HK1: variants seen among roughly 807,000 people sequenced by gnomAD.
The protein encoded by HK1 is hexokinase 1, also known as hexokinase-1.
Under a neutral mutation model 91.6 loss-of-function variants are expected in HK1, and 28 were observed. That is an observed-to-expected ratio of 0.31 (90% CI 0.23 to 0.42). HK1 has a LOEUF of 0.42. Among genes scored for constraint, HK1 ranks in the 10% least tolerant of loss-of-function variants. HK1 has a pLI of 1.00. For missense variants in HK1, 770 were observed against 1,219.8 expected (o/e 0.63, Z 5.49); for synonymous variants, 430 against 468.1 (o/e 0.92, Z 1.05).
chr10:69,327,055 A>T (rs1465148941), intron 1 of HK1, among the ~76,000 whole-genome samples: 2 of 124,280 alleles, frequency 1.6e-5, no homozygotes, highest in Non-Finnish European at 3.1e-5. Context: ...CCCAGGCTGG[A>T]GTGCAGTGGC....
intron 1 of HK1, chr10:69,278,920 T>A (rs1844599202): frequency 6.6e-6 from 1 of 152,238 alleles, no homozygotes; most frequent in Admixed American, 6.5e-5. Flanking sequence ...AGCATGTGGT[T>A]ACATTTTTGT....
chr10:69,385,113 C>T (rs749108), intron 12 of HK1, among the ~76,000 whole-genome samples, 198 bp downstream of exon 12: 102,193 of 152,080 alleles, frequency 0.67, 34,567 homozygotes, highest in African/African-American at 0.69. Context: ...TCTTTGAAAG[C>T]GTCACCTTTT....
chr10:69,311,011 T>C (rs1430840758), upstream of HK1, among the ~76,000 whole-genome samples: 1 of 150,730 alleles, frequency 6.6e-6, no homozygotes, highest in Non-Finnish European at 1.5e-5. Flanking sequence ...GAGCCGAGAC[T>C]GCACCACTGC....
At chr10:69,276,112 AAAAAAAATAC>A (rs1271901416) in intron 1 of HK1, among the ~76,000 whole-genome samples, 20 of 42,632 alleles carry the variant, frequency 4.7e-4, no homozygotes, top group East Asian at 1.3e-3. Context: ...AAAAAAAAAA[AAAAAAAATAC>A]ATATATATAT....
chr10:69,335,834 G>A (rs767041388), intron 1 of HK1, among the ~76,000 whole-genome samples: 2 of 152,208 alleles, frequency 1.3e-5, no homozygotes, highest in Non-Finnish European at 2.9e-5. Flanking sequence ...ACATGGCCCC[G>A]ACTGTGCCCT....
intron 5 of HK1, among the ~76,000 whole-genome samples, chr10:69,306,171 A>G (rs1316350451): frequency 1.3e-5 from 2 of 151,832 alleles, no homozygotes; most frequent in African/African-American, 4.8e-5. Context: ...CCTGGCTAAC[A>G]GTGAAACACC....
intron 7 of HK1, among the ~76,000 whole-genome samples, chr10:69,374,989 G>A (rs1368406386): frequency 6.6e-6 from 1 of 152,236 alleles, no homozygotes; most frequent in African/African-American, 2.4e-5. Context: ...CCATGAGACA[G>A]GCAGGAATGC....
intron 7 of HK1, among the ~76,000 whole-genome samples, chr10:69,370,037 C>G (rs1267552727): frequency 6.6e-6 from 1 of 152,226 alleles, no homozygotes; most frequent in Non-Finnish European, 1.5e-5. Flanking sequence ...CTAGCGCGGC[C>G]TAAAGCCCAT....
At chr10:69,361,903 C>T (rs185178005) in intron 3 of HK1, among the ~76,000 whole-genome samples, 22 of 152,158 alleles carry the variant, frequency 1.4e-4, no homozygotes, top group African/African-American at 4.1e-4. Flanking sequence ...CCACAACCTC[C>T]GCCTCCCGGG....
chr10:69,372,342 G>C (rs1055482664), intron 7 of HK1, among the ~76,000 whole-genome samples: 2 of 152,212 alleles, frequency 1.3e-5, no homozygotes, highest in Non-Finnish European at 2.9e-5. Context: ...AAATTCCCAA[G>C]TTGCATCACA....
At position 69,401,591 on chromosome 10, in the gene HK1, G is replaced by A. The variant is rs540613486; in HGVS notation, c.*456G>A. 2.8e-5 allele frequency: 11 copies of A among 391,894 alleles called. No individual in the cohort carries two copies. The highest frequency in any genetic ancestry group is 1.1e-4 in the African/African-American group (5 of 47,560). 24.3% of individuals were successfully genotyped at this position (391,894 alleles called of 1,614,324 possible). A position where few individuals can be genotyped will look rare whatever the true frequency, so the allele number is the denominator to read the frequency against. On this transcript the variant is annotated 3_prime_UTR_variant, in exon 18 of 18. Coordinates refer to ENST00000359426, the MANE Select transcript of HK1 (RefSeq NM_000188.3). Reference sequence around the variant, plus strand: ...CCTCCCGGGGGCACTGCCTGAAGGCGAGTGTGGGCATAGCATTAGCTGCTT... The same window carrying A: ...CCTCCCGGGGGCACTGCCTGAAGGCAAGTGTGGGCATAGCATTAGCTGCTT...
intron 2 of HK1, 116 bp downstream of exon 2, chr10:69,344,105 G>T: frequency 9.5e-7 from 1 of 1,055,888 alleles, no homozygotes; most frequent in Non-Finnish European, 1.4e-6. Flanking sequence ...CCATCAATCT[G>T]CTCTCCCATC....
intron 1 of HK1, among the ~76,000 whole-genome samples, chr10:69,274,356 G>A (rs1844333008): frequency 6.6e-6 from 1 of 152,106 alleles, no homozygotes. Flanking sequence ...CCAGCACTTT[G>A]GGAGGCCAAA....
intron 2 of HK1, 55 bp from the exon 3 acceptor site, chr10:69,359,842 G>T: frequency 1.3e-6 from 2 of 1,566,500 alleles, no homozygotes; most frequent in Non-Finnish European, 1.8e-6. Flanking sequence ...GGCATGGTAT[G>T]TGGCTTCCCC....
At chr10:69,314,459 G>T (rs914247428), upstream of HK1, among the ~76,000 whole-genome samples, 1 of 152,120 alleles carries the variant, frequency 6.6e-6, no homozygotes, top group African/African-American at 2.4e-5. Flanking sequence ...ATCTCTTTAG[G>T]ACAGGCTGTG....
At chr10:69,360,453 C>G (rs370480804) in intron 3 of HK1, among the ~76,000 whole-genome samples, 1 of 152,218 alleles carries the variant, frequency 6.6e-6, no homozygotes, top group Non-Finnish European at 1.5e-5. Flanking sequence ...CTGGAGGCCC[C>G]GGCCTTGTAG....
At chr10:69,315,438 C>T (rs1846585283), upstream of HK1, among the ~76,000 whole-genome samples, 1 of 152,062 alleles carries the variant, frequency 6.6e-6, no homozygotes, top group African/African-American at 2.4e-5. Context: ...TAGGAGGTAC[C>T]ACAGTAAATG....
chr10:69,342,257 A>G (rs574023907), intron 1 of HK1, among the ~76,000 whole-genome samples: 38 of 152,298 alleles, frequency 2.5e-4, no homozygotes, highest in Non-Finnish European at 1.5e-4. Flanking sequence ...CTGTCTCTCT[A>G]TCCAGTGGGA....
chr10:69,321,259 T>G (rs1847006270), intron 1 of HK1, among the ~76,000 whole-genome samples: 1 of 152,192 alleles, frequency 6.6e-6, no homozygotes, highest in Non-Finnish European at 1.5e-5. Context: ...AGCCTGGGCC[T>G]TCTAAGGACA....
Sources: allele counts gnomAD v4.1 joint callset (sites outside exome capture counted in the v4.1 genomes callset), GRCh38; gene constraint gnomAD v4.1.1; transcripts MANE v1.5; gene names NCBI Gene and HGNC (gene_info 2026-07-23, HGNC 2026-07-21).